Variants in PCDHB1 observed in about 807,000 individuals in gnomAD.
PCDHB1 encodes the protein protocadherin beta 1, also known as protocadherin beta-1.
PCDHB1 carries 44 observed loss-of-function variants against 43.5 expected under a neutral mutation model. The observed-to-expected ratio is 1.01, with a 90% confidence interval of 0.79 to 1.30. The LOEUF is 1.30. PCDHB1 is among the 50% of genes most tolerant of loss of function. PCDHB1 has a pLI of 0.00. For missense variants in PCDHB1, 919 were observed against 1,008.9 expected (o/e 0.91, Z 1.21); for synonymous variants, 392 against 400.8 (o/e 0.98, Z 0.26).
chr5:141,053,597 C>T lies in PCDHB1; in HGVS notation c.2127C>T (p.Ile709=), dbSNP rs1751053174. The T allele has an allele frequency of 6.2e-7, 1 of 1,613,448 alleles. No homozygotes were observed. Residue 709 remains isoleucine (I), a synonymous_variant, in exon 1 of 1, where the codon ATC becomes ATT. Coordinates refer to ENST00000306549, the MANE Select transcript of PCDHB1 (RefSeq NM_013340.4). ...SFLFLLSVIV[I]FIIHVYQKIK... The stretch of plus-strand genomic sequence containing the variant: ...TCTTTCTCCTCTCTGTCATAGTGAT[C>T]TTCATTATACATGTCTACCAAAAGA...
In PCDHB1 at chr5:141,052,854, C is replaced by G. The variant is rs140133940; in HGVS notation, c.1384C>G (p.Arg462Gly). 33 of 1,613,948 alleles carry G rather than the reference C, an allele frequency of 2.0e-5. No individual in the cohort carries two copies. The East Asian group carries it at 6.7e-4, about 33-fold the overall frequency. Residue 462 changes from arginine to glycine, a missense_variant, in exon 1 of 1, where the codon CGA (arginine) becomes GGA (glycine). By Grantham distance (125) the Arg-to-Gly change is moderately radical. Coordinates refer to ENST00000306549, the MANE Select transcript of PCDHB1 (RefSeq NM_013340.4). ...GGAAGATTCCTATATCTTGACTGTTCGAGAAAACAACAGTCCTGCGGTTTT... is the reference window on the plus strand; with the variant it reads ...GGAAGATTCCTATATCTTGACTGTTGGAGAAAACAACAGTCCTGCGGTTTT... ...FREDSYILTV[R>G]ENNSPAVFIG...
Position 141,053,416 on chromosome 5 carries a change from G to A in PCDHB1, c.1946G>A (p.Gly649Asp), listed in dbSNP as rs782082167. 6.2e-7 allele frequency: 1 copy of A among 1,614,172 alleles called. No individual in the cohort carries two copies. The highest frequency in any genetic ancestry group is 1.1e-5 in the South Asian group (1 of 91,078). The change falls in exon 1 of 1, where the codon GGC (glycine) becomes GAC (aspartate). Residue 649 changes from glycine (G) to aspartate (D), a missense_variant. Coordinates refer to ENST00000306549, the MANE Select transcript of PCDHB1 (RefSeq NM_013340.4). The part of the protein sequence containing the change: ...QKLIILVQDH[G>D]QPALSTTVSL... ...TTGATCATTCTTGTTCAGGATCACG[G>A]CCAACCAGCTCTTTCCACTACTGTC...
At position 141,053,511 on chromosome 5, in the gene PCDHB1, T is replaced by C. The variant is rs1554267473; in HGVS notation, c.2041T>C (p.Ser681Pro). Residue 681 changes from serine (S) to proline (P), a missense_variant, in exon 1 of 1, where the codon TCT (serine) becomes CCT (proline). By Grantham distance (74) the Ser-to-Pro change is moderately conservative. Transcript: ENST00000306549. ...YLQFQDPTKH[S>P]RKVNPSTKYL... ...GCAGTTCCAGGATCCAACCAAGCAT[T>C]CTAGAAAGGTAAATCCATCCACTAA... The C allele has an allele frequency of 1.2e-6, 2 of 1,614,070 alleles. No homozygotes were observed. Among genetic ancestry groups the C allele is most frequent in the Non-Finnish European group, 1.7e-6 (2 of 1,180,036 alleles).
In PCDHB1 at chr5:141,054,056, T is replaced by C. The variant is rs1751069673; in HGVS notation, c.*129T>C. 1.3e-6 allele frequency: 1 copy of C among 768,720 alleles called. No individual in the cohort carries two copies. The highest frequency in any genetic ancestry group is 2.0e-6 in the Non-Finnish European group (1 of 487,808). 47.6% of individuals were successfully genotyped at this position (768,720 alleles called of 1,614,324 possible). A position where few individuals can be genotyped will look rare whatever the true frequency, so the allele number is the denominator to read the frequency against. Reference sequence around the variant, plus strand: ...TTTAGTAAAGATAAGAGTACTTAGTTTGGTGAAAATGGGAAACCTAGAGTG... The same window carrying C: ...TTTAGTAAAGATAAGAGTACTTAGTCTGGTGAAAATGGGAAACCTAGAGTG... On this transcript the variant is annotated 3_prime_UTR_variant, in exon 1 of 1. Coordinates refer to ENST00000306549, the MANE Select transcript of PCDHB1 (RefSeq NM_013340.4).
rs1751073018 is a variant in PCDHB1, at chr5:141,054,163, T to A, written c.*236T>A. On this transcript the variant is annotated 3_prime_UTR_variant, in exon 1 of 1. Transcript: ENST00000306549. ...AACCCTTTCTCCAGTTGGAATTCTG[T>A]TTAAAGAAATGTCACCCTCTATAAA... 2.3e-6 allele frequency: 1 copy of A among 439,850 alleles called. No homozygotes were observed. Among genetic ancestry groups the A allele is most frequent in the Admixed American group, 3.7e-5 (1 of 26,842 alleles). The allele number at this position is 439,850 out of a possible 1,614,324, so 27.2% of individuals were successfully genotyped here.
chr5:141,054,613 GA>G lies in PCDHB1; in HGVS notation c.*688del, dbSNP rs1751082993. On this transcript the variant is annotated 3_prime_UTR_variant, in exon 1 of 1. Coordinates refer to ENST00000306549, the MANE Select transcript of PCDHB1 (RefSeq NM_013340.4). ...AAGGATTTCACTTATTTGCAAATGT[GA>G]ATAAGGGCAGACATAAGGATAAAGA... 1.3e-5 allele frequency: 2 copies of G among 150,610 alleles called. No homozygotes were observed. Among genetic ancestry groups the G allele is most frequent in the African/African-American group, 4.9e-5 (2 of 40,960 alleles). The allele number at this position is 150,610 out of a possible 1,614,324, so 9.3% of individuals were successfully genotyped here.
chr5:141,053,121 G>C lies in PCDHB1; in HGVS notation c.1651G>C (p.Val551Leu). The C allele has an allele frequency of 6.2e-7, 1 of 1,614,162 alleles. No homozygotes were observed. Among genetic ancestry groups the C allele is most frequent in the Non-Finnish European group, 8.5e-7 (1 of 1,180,018 alleles). Residue 551 changes from valine to leucine, a missense_variant, in exon 1 of 1, where the codon GTT (valine) becomes CTT (leucine). Coordinates refer to ENST00000306549, the MANE Select transcript of PCDHB1 (RefSeq NM_013340.4). ...SLSSQVTVRV[V>L]VLDDNDNRPM... ...GAGTAGCCAAGTTACTGTCAGAGTG[G>C]TTGTCCTAGATGACAATGACAATCG... is the stretch of plus-strand genomic sequence containing the variant.
At position 141,052,981 on chromosome 5, in the gene PCDHB1, A is replaced by G. The variant is rs1312523672; in HGVS notation, c.1511A>G (p.Tyr504Cys). The change falls in exon 1 of 1, where the codon TAC (tyrosine) becomes TGC (cysteine). Residue 504 changes from tyrosine (Y) to cysteine (C), a missense_variant. Transcript: ENST00000306549. ...PKNGDLSVFA[Y>C]ISINSGNGKL... ...AACGGAGATCTTTCAGTCTTTGCTT[A>G]CATATCCATAAATTCAGGCAATGGG... The G allele has an allele frequency of 3.7e-6, 6 of 1,614,066 alleles. No individual in the cohort carries two copies. Among genetic ancestry groups the G allele is most frequent in the Non-Finnish European group, 5.1e-6 (6 of 1,180,018 alleles).
In PCDHB1 at chr5:141,053,514, A is replaced by G; in HGVS notation, c.2044A>G (p.Arg682Gly). ...LQFQDPTKHS[R>G]KVNPSTKYLV... ...GTTCCAGGATCCAACCAAGCATTCT[A>G]GAAAGGTAAATCCATCCACTAAATA... The change falls in exon 1 of 1, where the codon AGA becomes GGA. Residue 682 changes from arginine to glycine, a missense_variant. Physicochemically the swap from Arg to Gly is moderately radical, Grantham distance 125. Coordinates refer to ENST00000306549, the MANE Select transcript of PCDHB1 (RefSeq NM_013340.4). 6.2e-7 allele frequency: 1 copy of G among 1,614,210 alleles called. No homozygotes were observed. Among genetic ancestry groups the G allele is most frequent in the East Asian group, 2.2e-5 (1 of 44,894 alleles).
rs1363169511 is a variant in PCDHB1, at chr5:141,055,952, C to G, written c.*2025C>G. On this transcript the variant is annotated 3_prime_UTR_variant, in exon 1 of 1. Transcript: ENST00000306549. The stretch of plus-strand genomic sequence containing the variant: ...TGGTGGCTCATACCTGTAGTCCCAG[C>G]TACTCAGGAGTCTGAAGGAGGAGGA... 6.6e-6 allele frequency: 1 copy of G among 152,126 alleles called. No individual in the cohort carries two copies. Among genetic ancestry groups the G allele is most frequent in the African/African-American group, 2.4e-5 (1 of 41,418 alleles). The allele number at this position is 152,126 out of a possible 1,614,324, so 9.4% of individuals were successfully genotyped here. A position where few individuals can be genotyped will look rare whatever the true frequency, so the allele number is the denominator to read the frequency against.
Position 141,053,049 on chromosome 5 carries a change from G to A in PCDHB1, c.1579G>A (p.Asp527Asn). 1.2e-6 allele frequency: 2 copies of A among 1,614,186 alleles called. No homozygotes were observed. Among genetic ancestry groups the A allele is most frequent in the Non-Finnish European group, 1.7e-6 (2 of 1,180,046 alleles). Residue 527 changes from aspartate to asparagine, a missense_variant, in exon 1 of 1, where the codon GAT becomes AAT. Coordinates refer to ENST00000306549, the MANE Select transcript of PCDHB1 (RefSeq NM_013340.4). ...AACCATGGATTATGAGGCCATTCAA[G>A]ATTTTCAATTTGTGGTAAAGGCAAC... is the stretch of plus-strand genomic sequence containing the variant. The part of the protein sequence containing the change: ...LRTMDYEAIQ[D>N]FQFVVKATDG...
At position 141,053,532 on chromosome 5, in the gene PCDHB1, AC is replaced by A. The variant is rs782513845; in HGVS notation, c.2063del (p.Thr688IlefsTer20). 1.4e-5 allele frequency: 22 copies of A among 1,614,030 alleles called. No homozygotes were observed. Among genetic ancestry groups the A allele is most frequent in the Non-Finnish European group, 1.8e-5 (21 of 1,180,018 alleles). On this transcript the variant is annotated frameshift_variant, in exon 1 of 1. Transcript: ENST00000306549. LOFTEE classifies it high-confidence loss of function. ...GCATTCTAGAAAGGTAAATCCATCC[AC>A]TAAATATTTGGTCATTTCTCTGGTC... ...TKHSRKVNPS[T>X]KYLVISLVIL...
Position 141,053,516 on chromosome 5 carries a change from A to G in PCDHB1, c.2046A>G (p.Arg682=). The part of the protein sequence containing the change: ...LQFQDPTKHS[R]KVNPSTKYLV... ...TCCAGGATCCAACCAAGCATTCTAG[A>G]AAGGTAAATCCATCCACTAAATATT... Residue 682 remains arginine (R), a synonymous_variant, in exon 1 of 1, where the codon AGA becomes AGG. Transcript: ENST00000306549. 1 of 1,614,154 alleles carries G rather than the reference A, an allele frequency of 6.2e-7. No homozygotes were observed. Among genetic ancestry groups the G allele is most frequent in the South Asian group, 1.1e-5 (1 of 91,072 alleles).
Position 141,052,352 on chromosome 5 carries a change from T to C in PCDHB1, c.882T>C (p.Ile294=), listed in dbSNP as rs781985621. 1 of 1,614,256 alleles carries C rather than the reference T, an allele frequency of 6.2e-7. No homozygotes were observed. The highest frequency in any genetic ancestry group is 1.1e-5 in the South Asian group (1 of 91,090). Residue 294 remains isoleucine, a synonymous_variant, in exon 1 of 1, where the codon ATT becomes ATC. Coordinates refer to ENST00000306549, the MANE Select transcript of PCDHB1 (RefSeq NM_013340.4). ...AAGCAATTCTCAAGACGTTTCAGAT[T>C]GACCCTCAAAATGGAGAAGTTCGAC... ...NPEAILKTFQ[I]DPQNGEVRLR...
At position 141,052,522 on chromosome 5, in the gene PCDHB1, CTG is replaced by C. The variant is rs1232135598; in HGVS notation, c.1056_1057del (p.Ser353GlnfsTer5). 1.1e-5 allele frequency: 17 copies of C among 1,614,090 alleles called. No individual in the cohort carries two copies. The highest frequency in any genetic ancestry group is 2.7e-5 in the African/African-American group (2 of 74,930). ...AATCCTCCCGAAGTGATGGTCTCCT[CTG>C]TGTCCAGCCCACTCCCTGAAGACTC... is the stretch of plus-strand genomic sequence containing the variant. On this transcript the variant is annotated frameshift_variant, in exon 1 of 1. Transcript: ENST00000306549. LOFTEE classifies it high-confidence loss of function.
In PCDHB1 at chr5:141,052,333, T is replaced by G; in HGVS notation, c.863T>G (p.Ile288Ser). 1.2e-6 allele frequency: 2 copies of G among 1,614,190 alleles called. No individual in the cohort carries two copies. Among genetic ancestry groups the G allele is most frequent in the Non-Finnish European group, 8.5e-7 (1 of 1,180,032 alleles). The stretch of plus-strand genomic sequence containing the variant: ...TCTTTAGCTCAAAACCCAGAAGCAA[T>G]TCTCAAGACGTTTCAGATTGACCCT... Reference protein sequence around the residue: ...TYSLAQNPEAILKTFQIDPQN... With the variant: ...TYSLAQNPEASLKTFQIDPQN... Residue 288 changes from isoleucine (I) to serine (S), a missense_variant, in exon 1 of 1, where the codon ATT (isoleucine) becomes AGT (serine). Physicochemically the swap from Ile to Ser is moderately radical, Grantham distance 142 (BLOSUM62 -2). Coordinates refer to ENST00000306549, the MANE Select transcript of PCDHB1 (RefSeq NM_013340.4).
At position 141,053,160 on chromosome 5, in the gene PCDHB1, T is replaced by A. The variant is rs1180578197; in HGVS notation, c.1690T>A (p.Tyr564Asn). 6.8e-6 allele frequency: 11 copies of A among 1,614,080 alleles called. No individual in the cohort carries two copies. The Admixed American group carries it at 8.3e-5, about 12-fold the overall frequency. ...DDNDNRPMILYPLQNGTLPCN... is the reference protein window; with the variant it reads ...DDNDNRPMILNPLQNGTLPCN... ...CAATGACAATCGTCCAATGATCTTATACCCACTGCAGAACGGCACCTTGCC... is the reference window on the plus strand; with the variant it reads ...CAATGACAATCGTCCAATGATCTTAAACCCACTGCAGAACGGCACCTTGCC... Residue 564 changes from tyrosine to asparagine, a missense_variant, in exon 1 of 1, where the codon TAC becomes AAC. By Grantham distance (143) the Tyr-to-Asn change is moderately radical. Transcript: ENST00000306549.
At position 141,056,570 on chromosome 5, in the gene PCDHB1, T is replaced by C. The variant is rs950062981; in HGVS notation, c.*2643T>C. On this transcript the variant is annotated 3_prime_UTR_variant, in exon 1 of 1. Coordinates refer to ENST00000306549, the MANE Select transcript of PCDHB1 (RefSeq NM_013340.4). ...TGGTGAAGGCATGCTGAAATTTCTA[T>C]TTCCTTTAAATGAAAAAGGAGATAG... 8 of 152,224 alleles carry C rather than the reference T, an allele frequency of 5.3e-5. No homozygotes were observed. Among genetic ancestry groups the C allele is most frequent in the Non-Finnish European group, 8.8e-5 (6 of 68,044 alleles). 9.4% of individuals were successfully genotyped at this position (152,224 alleles called of 1,614,324 possible).
chr5:141,054,200 T>C lies in PCDHB1; in HGVS notation c.*273T>C. On this transcript the variant is annotated 3_prime_UTR_variant, in exon 1 of 1. Coordinates refer to ENST00000306549, the MANE Select transcript of PCDHB1 (RefSeq NM_013340.4). ...TCACCCTCTATAAATGCATATGTGG[T>C]AGGAACTTCTGCTTTTCCATCTCTG... The C allele has an allele frequency of 3.0e-6, 1 of 332,730 alleles. No homozygotes were observed. Among genetic ancestry groups the C allele is most frequent in the Non-Finnish European group, 5.5e-6 (1 of 181,978 alleles). The allele number at this position is 332,730 out of a possible 1,614,324, so 20.6% of individuals were successfully genotyped here.
Sources: gnomAD v4.1 joint callset for allele counts on GRCh38, gnomAD v4.1.1 for gene constraint, MANE v1.5 for transcripts, NCBI Gene and HGNC (gene_info 2026-07-23, HGNC 2026-07-21) for gene names.